The following CTNND2 variants were observed in gnomAD, a reference collection of about 807,000 sequenced individuals.
The protein encoded by CTNND2 is catenin delta 2, also known as catenin delta-2.
A neutral mutation model predicts 144.4 loss-of-function variants in CTNND2; 22 were observed. The observed-to-expected ratio is 0.15, with a 90% CI of 0.11 to 0.22. The LOEUF is 0.22. Among genes scored for constraint, CTNND2 ranks in the 10% least tolerant of loss-of-function variants. The pLI, the probability that CTNND2 is intolerant of heterozygous loss-of-function variation, is 1.00. For missense variants in CTNND2, 1,353 were observed against 1,618.8 expected (o/e 0.84, Z 2.82); for synonymous variants, 751 against 695.6 (o/e 1.08, Z -1.25).
chr5:11,337,427 C>T (rs1362632301), intron 9 of CTNND2, among the ~76,000 whole-genome samples: 1 of 152,154 alleles, frequency 6.6e-6, no homozygotes, highest in Non-Finnish European at 1.5e-5. Flanking sequence ...CCCCCACCTA[C>T]CAAGGACCTT....
chr5:11,304,723 G>A (rs926169587), intron 9 of CTNND2, among the ~76,000 whole-genome samples: 8 of 152,124 alleles, frequency 5.3e-5, no homozygotes, highest in African/African-American at 1.9e-4. Context: ...ACCTTGTCCT[G>A]ACACAACTGT....
chr5:11,593,748 T>C (rs183639028), intron 2 of CTNND2, among the ~76,000 whole-genome samples: 83 of 152,346 alleles, frequency 5.4e-4, no homozygotes, highest in African/African-American at 1.9e-3. Flanking sequence ...TGTGAGTCCA[T>C]TACACCTTTT....
At chr5:11,106,815 A>C (rs1213700252) in intron 14 of CTNND2, among the ~76,000 whole-genome samples, 1 of 152,148 alleles carries the variant, frequency 6.6e-6, no homozygotes, top group Non-Finnish European at 1.5e-5. Context: ...CTCTGGTGCC[A>C]CTACGAGCCA....
chr5:11,543,524 G>C (rs1449159751), intron 3 of CTNND2, among the ~76,000 whole-genome samples: 8 of 152,006 alleles, frequency 5.3e-5, no homozygotes, highest in Non-Finnish European at 1.5e-5. Flanking sequence ...CAATGAATTA[G>C]GTCAACTTCT....
chr5:11,849,755 A>G (rs897977498), intron 1 of CTNND2, among the ~76,000 whole-genome samples: 2 of 152,164 alleles, frequency 1.3e-5, no homozygotes, highest in Non-Finnish European at 2.9e-5. Flanking sequence ...CCTTTTGTAA[A>G]TTTCTCCAAA....
chr5:11,508,135 C>T (rs1215451349), intron 3 of CTNND2, among the ~76,000 whole-genome samples: 3 of 152,138 alleles, frequency 2.0e-5, no homozygotes, highest in East Asian at 1.9e-4. Flanking sequence ...GTTCTCCTAT[C>T]GCTAAGGAAT....
intron 1 of CTNND2, among the ~76,000 whole-genome samples, chr5:11,762,370 T>G (rs1789315895): frequency 6.6e-6 from 1 of 152,156 alleles, no homozygotes; most frequent in Admixed American, 6.6e-5. Context: ...TTTTGGTTAT[T>G]AGATCTATAC....
chr5:11,497,376 T>C (rs1013845451), intron 3 of CTNND2, among the ~76,000 whole-genome samples: 2 of 151,974 alleles, frequency 1.3e-5, no homozygotes, highest in Non-Finnish European at 2.9e-5. Context: ...TGATGGGTGC[T>C]GCAGGAAGGA....
At chr5:11,888,355 C>T (rs1305079145) in intron 1 of CTNND2, among the ~76,000 whole-genome samples, 1 of 152,138 alleles carries the variant, frequency 6.6e-6, no homozygotes, top group African/African-American at 2.4e-5. Context: ...AGAGTGACTG[C>T]GTGCACCCCA....
In CTNND2 at chr5:11,049,870, C is replaced by A. The variant is rs539204561; in HGVS notation, c.2789-26891G>T. On this transcript the variant is annotated intron_variant, in intron 16 of 21. Transcript: ENST00000304623. ...AAATACTAACTTTGTAAGCCACAAGCAATTCGCTGTCTTAGTGGAGGGAAA... is the reference window on the plus strand; with the variant it reads ...AAATACTAACTTTGTAAGCCACAAGAAATTCGCTGTCTTAGTGGAGGGAAA... Among the ~76,000 whole-genome samples the A allele has an allele frequency of 3.3e-5, 5 of 152,276 alleles. No individual in the cohort carries two copies. The South Asian group carries it at 1.0e-3, about 32-fold the overall frequency.
chr5:11,223,647 C>T (rs995910000), intron 10 of CTNND2, among the ~76,000 whole-genome samples: 2 of 152,162 alleles, frequency 1.3e-5, no homozygotes, highest in African/African-American at 2.4e-5. Context: ...TACTCAGTGA[C>T]CTCTAGAGCC....
At chr5:11,868,232 C>A (rs1795867431) in intron 1 of CTNND2, among the ~76,000 whole-genome samples, 1 of 152,094 alleles carries the variant, frequency 6.6e-6, no homozygotes, top group African/African-American at 2.4e-5. Flanking sequence ...TGCGGCTGGA[C>A]TCCTGCCTCT....
chr5:11,580,983 A>G (rs1778385602), intron 2 of CTNND2, among the ~76,000 whole-genome samples: 1 of 152,102 alleles, frequency 6.6e-6, no homozygotes, highest in African/African-American at 2.4e-5. Flanking sequence ...CTCTTCCACA[A>G]CTCAAAACAC....
intron 3 of CTNND2, among the ~76,000 whole-genome samples, chr5:11,442,879 T>TTA (rs1764400569): frequency 6.8e-6 from 1 of 147,052 alleles, no homozygotes; most frequent in Non-Finnish European, 1.5e-5. Context: ...ATTATAAATA[T>TTA]TATATATATT....
At chr5:11,016,714 G>T (rs1187104730) in intron 18 of CTNND2, among the ~76,000 whole-genome samples, 1 of 152,142 alleles carries the variant, frequency 6.6e-6, no homozygotes. Flanking sequence ...CTGAATCCCT[G>T]CATGGAAACC....
At chr5:11,039,298 G>T (rs182007598) in intron 16 of CTNND2, among the ~76,000 whole-genome samples, 1 of 152,278 alleles carries the variant, frequency 6.6e-6, no homozygotes, top group Non-Finnish European at 1.5e-5. Context: ...ACAAACCAAG[G>T]TAATTTTGTA....
At chr5:11,561,146 A>G (rs1459796895) in intron 3 of CTNND2, among the ~76,000 whole-genome samples, 1 of 152,178 alleles carries the variant, frequency 6.6e-6, no homozygotes, top group Admixed American at 6.5e-5. Flanking sequence ...GCCAGAGGTT[A>G]GGGCTGGCTA....
Position 10,991,991 on chromosome 5 carries a change from C to T in CTNND2, c.3211+560G>A, listed in dbSNP as rs543392634. Among the ~76,000 whole-genome samples, 28 of 152,348 alleles carry T rather than the reference C, an allele frequency of 1.8e-4. No homozygotes were observed. The South Asian group carries it at 5.6e-3, about 30-fold the overall frequency. On this transcript the variant is annotated intron_variant, in intron 19 of 21. Coordinates refer to ENST00000304623, the MANE Select transcript of CTNND2 (RefSeq NM_001332.4). ...GGGGTGCAGTGGCGCGATCTCTGCT[C>T]ACTGAAATCTCGGCCTCCCGGGTTC...
intron 7 of CTNND2, among the ~76,000 whole-genome samples, chr5:11,366,034 C>A (rs1756950366): frequency 6.6e-6 from 1 of 152,194 alleles, no homozygotes; most frequent in Admixed American, 6.5e-5. Context: ...CCTAGTTCAG[C>A]CTCTCTATTC....
Sources: allele counts gnomAD v4.1 joint callset (sites outside exome capture counted in the v4.1 genomes callset), GRCh38; gene constraint gnomAD v4.1.1; transcripts MANE v1.5; gene names NCBI Gene and HGNC (gene_info 2026-07-23, HGNC 2026-07-21).